The following COL5A2 variants were observed in gnomAD, a reference collection of about 807,000 sequenced individuals.
COL5A2 encodes collagen type V alpha 2 chain, also known as collagen alpha-2(V) chain.
COL5A2 carries 23 observed loss-of-function variants against 208.2 expected under a neutral mutation model. The observed-to-expected ratio is 0.11, with a 90% CI of 0.08 to 0.16. The LOEUF is 0.16. Among genes scored for constraint, COL5A2 ranks in the 10% least tolerant of loss-of-function variants. The probability of loss-of-function intolerance (pLI) is 1.00; values close to 1 mark genes in which losing one functional copy is unlikely to be tolerated. For synonymous variants in COL5A2, 625 were observed against 628.5 expected (o/e 0.99, Z 0.08); for missense variants, 1,590 against 1,956.4 (o/e 0.81, Z 3.53).
the COL5A2 span, among the ~76,000 whole-genome samples, chr2:189,373,866 C>T: frequency 1.3e-5 from 2 of 152,164 alleles, no homozygotes; most frequent in Non-Finnish European, 2.9e-5. Flanking sequence ...GCAAAGACAT[C>T]TGCAATCCAG....
chr2:189,064,459 A>G (rs929373964), intron 25 of COL5A2, 98 bp downstream of exon 25: 1 of 853,852 alleles, frequency 1.2e-6, no homozygotes, highest in Admixed American at 1.9e-5. Flanking sequence ...TCTAAACTGT[A>G]AAAACAAACT....
At chr2:189,120,722 A>G (rs1451157916) in intron 1 of COL5A2, among the ~76,000 whole-genome samples, 1 of 152,166 alleles carries the variant, frequency 6.6e-6, no homozygotes, top group African/African-American at 2.4e-5. Flanking sequence ...AATGCAAATC[A>G]TTCAATGATC....
At chr2:189,244,776 C>T in the COL5A2 span, among the ~76,000 whole-genome samples, 1 of 152,180 alleles carries the variant, frequency 6.6e-6, no homozygotes, top group South Asian at 2.1e-4. Flanking sequence ...TTTTCAGCAG[C>T]GCACCACTCT....
the COL5A2 span, among the ~76,000 whole-genome samples, chr2:189,410,984 T>A: frequency 6.6e-6 from 1 of 152,166 alleles, no homozygotes; most frequent in African/African-American, 2.4e-5. Flanking sequence ...TCTGGCCTCA[T>A]CCTTTCTTTC....
intron 23 of COL5A2, among the ~76,000 whole-genome samples, chr2:189,065,381 T>G (rs886723007): frequency 9.9e-5 from 15 of 152,068 alleles, no homozygotes; most frequent in African/African-American, 3.6e-4. Flanking sequence ...AATACAAAAA[T>G]TAGCTGGGTA....
At position 189,032,273 on chromosome 2, in the gene COL5A2, T is replaced by C. The variant is rs1685350343; in HGVS notation, c.*1797A>G. The C allele has an allele frequency of 6.6e-6, 1 of 152,148 alleles. No individual in the cohort carries two copies. The highest frequency in any genetic ancestry group is 1.5e-5 in the Non-Finnish European group (1 of 68,012). The allele number at this position is 152,148 out of a possible 1,614,324, so 9.4% of individuals were successfully genotyped here. A position where few individuals can be genotyped will look rare whatever the true frequency, so the allele number is the denominator to read the frequency against. Reference sequence around the variant, plus strand: ...ATGAAAAATCTATTGCTTGCCCTTTTTATCAATAATACTACTCTGACATTT... The same window carrying C: ...ATGAAAAATCTATTGCTTGCCCTTTCTATCAATAATACTACTCTGACATTT... On this transcript the variant is annotated 3_prime_UTR_variant, in exon 54 of 54. Transcript: ENST00000374866.
chr2:189,107,437 T>C (rs1274728533), intron 2 of COL5A2, among the ~76,000 whole-genome samples: 1 of 151,548 alleles, frequency 6.6e-6, no homozygotes, highest in Non-Finnish European at 1.5e-5. Context: ...ATTTTTTGCT[T>C]TAGGTTAGAT....
intron 1 of COL5A2, among the ~76,000 whole-genome samples, chr2:189,141,494 T>G (rs1240617311): frequency 6.6e-6 from 1 of 152,140 alleles, no homozygotes; most frequent in Non-Finnish European, 1.5e-5. Flanking sequence ...CCAAAGACTA[T>G]GCTGAGTATA....
rs112684457 is a variant in COL5A2 at position 189,046,815 on chromosome 2, G to GA, written c.3202-909dup. 8.6e-3 allele frequency among the ~76,000 whole-genome samples: 1,169 copies of GA among 135,846 alleles called. 7 individuals are homozygous for GA. The highest frequency in any genetic ancestry group is 0.02 in the African/African-American group (749 of 36,982). 89.1% of individuals were successfully genotyped at this position (135,846 alleles called of 152,430 possible). A position where few individuals can be genotyped will look rare whatever the true frequency, so the allele number is the denominator to read the frequency against. ...GCTGAATTGGCAACTTCAAGGTTTT[G>GA]AAAAAAAAAAAAAAATACTTGCCCG... is the stretch of plus-strand genomic sequence containing the variant. On this transcript the variant is annotated intron_variant, in intron 45 of 53. Transcript: ENST00000374866.
At chr2:189,050,772 A>C in intron 42 of COL5A2, 96 bp from the exon 43 acceptor site, 2 of 1,031,748 alleles carry the variant, frequency 1.9e-6, no homozygotes, top group African/African-American at 3.2e-5. Context: ...CAGGTTTTTC[A>C]GTATGAAAAA....
At chr2:189,109,699 A>AT (rs927852733) in intron 2 of COL5A2, among the ~76,000 whole-genome samples, 1 of 152,134 alleles carries the variant, frequency 6.6e-6, no homozygotes, top group Non-Finnish European at 1.5e-5. Context: ...ACTTTATATT[A>AT]TTTTTTCTCC....
chr2:189,115,214 C>T (rs1174398233), intron 1 of COL5A2, among the ~76,000 whole-genome samples: 1 of 152,114 alleles, frequency 6.6e-6, no homozygotes, highest in East Asian at 1.9e-4. Context: ...CATATATCCT[C>T]ATAGATTTCT....
At chr2:189,233,211 T>C in the COL5A2 span, among the ~76,000 whole-genome samples, 2 of 151,768 alleles carry the variant, frequency 1.3e-5, no homozygotes, top group African/African-American at 4.8e-5. Context: ...GGCATCTGTG[T>C]CTTTTCTCTC....
chr2:189,093,683 T>C (rs1404398876), intron 6 of COL5A2, among the ~76,000 whole-genome samples: 1 of 152,224 alleles, frequency 6.6e-6, no homozygotes, highest in Non-Finnish European at 1.5e-5. Context: ...AAAAATGATA[T>C]CTTAGAAAAT....
At chr2:189,176,234 G>T (rs752998452) in intron 1 of COL5A2, among the ~76,000 whole-genome samples, 4 of 152,178 alleles carry the variant, frequency 2.6e-5, no homozygotes, top group Non-Finnish European at 4.4e-5. Context: ...CATGATGGCT[G>T]TAAATTCATG....
chr2:189,250,269 G>A, the COL5A2 span, among the ~76,000 whole-genome samples: 4 of 152,062 alleles, frequency 2.6e-5, no homozygotes. Flanking sequence ...AAATTCATGA[G>A]GTTACTACTA....
the COL5A2 span, among the ~76,000 whole-genome samples, chr2:189,248,149 G>T: frequency 6.6e-6 from 1 of 152,144 alleles, no homozygotes; most frequent in Non-Finnish European, 1.5e-5. Flanking sequence ...GCCACAAAAC[G>T]TTATAGTTTC....
chr2:189,435,878 G>A, the COL5A2 span, among the ~76,000 whole-genome samples: 6 of 152,112 alleles, frequency 3.9e-5, no homozygotes, highest in South Asian at 6.2e-4. Context: ...ACACGCACAC[G>A]TTATGTTTAT....
chr2:189,056,942 G>T, intron 35 of COL5A2, 31 bp downstream of exon 35: 2 of 1,609,328 alleles, frequency 1.2e-6, no homozygotes, highest in Non-Finnish European at 1.7e-6. Context: ...TTGGTTCCTA[G>T]CCCAGCTAGA....
Sources: gnomAD v4.1 joint callset for allele counts (sites outside exome capture counted in the v4.1 genomes callset) on GRCh38, gnomAD v4.1.1 for gene constraint, MANE v1.5 for transcripts, NCBI Gene and HGNC (gene_info 2026-07-23, HGNC 2026-07-21) for gene names.